Variants in ASIC2 observed in about 807,000 individuals in gnomAD.
The protein encoded by ASIC2 is acid sensing ion channel subunit 2.
In ASIC2, 25 loss-of-function variants were observed where a neutral mutation model predicts 57.3. The observed-to-expected ratio is 0.44, with a 90% confidence interval of 0.32 to 0.61. ASIC2 has a LOEUF of 0.61. ASIC2 is among the 20% of genes least tolerant of loss of function. The pLI is 0.06. For missense variants in ASIC2, 641 were observed against 738.1 expected, an observed-to-expected ratio of 0.87 and a Z score of 1.52; for synonymous variants, 319 against 307.5, an observed-to-expected ratio of 1.04 and a Z score of -0.39.
chr17:33,070,912 A>G (rs549370626), intron 3 of ASIC2, among the ~76,000 whole-genome samples: 3 of 151,422 alleles, frequency 2.0e-5, no homozygotes, highest in African/African-American at 7.3e-5. Context: ...TTTTCTTCCA[A>G]TACTTGACAG....
chr17:33,457,036 T>C (rs1912475055), intron 1 of ASIC2, among the ~76,000 whole-genome samples: 1 of 152,194 alleles, frequency 6.6e-6, no homozygotes, highest in East Asian at 1.9e-4. Context: ...ACAAGCTAAT[T>C]AATTTCTTTA....
intron 1 of ASIC2, among the ~76,000 whole-genome samples, chr17:33,610,054 G>GCACA (rs57533251): frequency 0.039 from 5,605 of 144,794 alleles, 239 homozygotes; most frequent in African/African-American, 0.098. Context: ...GGACAGAGGC[G>GCACA]CACACACACA....
chr17:33,519,110 G>A (rs936015781), intron 1 of ASIC2, among the ~76,000 whole-genome samples: 4 of 152,312 alleles, frequency 2.6e-5, no homozygotes, highest in East Asian at 1.9e-4. Context: ...GTGAGCCACC[G>A]CGCCGGGCCG....
At position 33,464,522 on chromosome 17, in the gene ASIC2, TTCTTTCTTTCTTTCTTTC is replaced by T. The variant is rs1567621099; in HGVS notation, c.556-352473_556-352456del. On this transcript the variant is annotated intron_variant, in intron 1 of 9. Coordinates refer to the ASIC2 transcript ENST00000359872. Reference sequence around the variant, plus strand: ...TTTCTTTCTTTCTTTCTTTCTTTCTTTCTTTCTTTCTTTCTTTCTCTTTCTTTCTTTCTTTCTTTCTTT... The same window carrying T: ...TTTCTTTCTTTCTTTCTTTCTTTCTTTCTTTCTTTCTTTCTTTCTTTCTTT... Among the ~76,000 whole-genome samples, 295 of 40,268 alleles carry T rather than the reference TTCTTTCTTTCTTTCTTTC, an allele frequency of 7.3e-3. 3 individuals carry two copies. The highest frequency in any genetic ancestry group is 0.028 in the South Asian group (27 of 958). 26.4% of individuals were successfully genotyped at this position (40,268 alleles called of 152,430 possible).
chr17:33,456,545 C>T lies in ASIC2; in HGVS notation c.556-344478G>A, dbSNP rs796129751. Among the ~76,000 whole-genome samples, 20 of 152,298 alleles carry T rather than the reference C, an allele frequency of 1.3e-4. 1 individual carries two copies. The highest frequency in any genetic ancestry group is 4.8e-4 in the African/African-American group (20 of 41,560). ...CTGATACATCTTTCTGATGGCATGT[C>T]TTTTCTCCACTGGGTTTTCATTGTG... is the stretch of plus-strand genomic sequence containing the variant. On this transcript the variant is annotated intron_variant, in intron 1 of 9. Transcript: ENST00000359872.
At chr17:33,934,933 C>T (rs1328642949) in intron 1 of ASIC2, among the ~76,000 whole-genome samples, 7 of 152,206 alleles carry the variant, frequency 4.6e-5, no homozygotes, top group African/African-American at 7.2e-5. Flanking sequence ...ACCCCATTCT[C>T]CACTGTGCTG....
chr17:33,951,082 C>T (rs1478553507), intron 1 of ASIC2, among the ~76,000 whole-genome samples: 1 of 152,178 alleles, frequency 6.6e-6, no homozygotes, highest in East Asian at 1.9e-4. Flanking sequence ...ATCTCTCAGG[C>T]CATCCATTTT....
At chr17:33,884,258 C>T (rs1914772135) in intron 1 of ASIC2, among the ~76,000 whole-genome samples, 1 of 152,180 alleles carries the variant, frequency 6.6e-6, no homozygotes, top group African/African-American at 2.4e-5. Flanking sequence ...AACCTGCTCC[C>T]TCTCTGCCTC....
chr17:33,424,585 A>G (rs926098218), intron 1 of ASIC2, among the ~76,000 whole-genome samples: 2 of 152,252 alleles, frequency 1.3e-5, no homozygotes, highest in Non-Finnish European at 2.9e-5. Context: ...TGGAGCTGCA[A>G]TTAACATCTC....
At chr17:33,922,094 G>C (rs995925235) in intron 1 of ASIC2, among the ~76,000 whole-genome samples, 1 of 152,106 alleles carries the variant, frequency 6.6e-6, no homozygotes, top group Non-Finnish European at 1.5e-5. Context: ...AGACCAAGTC[G>C]GGCAGGAATT....
At chr17:33,616,104 G>A (rs1170866305) in intron 1 of ASIC2, among the ~76,000 whole-genome samples, 3 of 152,182 alleles carry the variant, frequency 2.0e-5, no homozygotes, top group East Asian at 1.9e-4. Context: ...TCTCTGTTAC[G>A]ACCAGCTGTC....
chr17:33,483,193 T>C lies in ASIC2; in HGVS notation c.556-371126A>G, dbSNP rs1346935662. Among the ~76,000 whole-genome samples, 3 of 152,320 alleles carry C rather than the reference T, an allele frequency of 2.0e-5. No homozygotes were observed. In the East Asian group the frequency reaches 5.8e-4, roughly 29 times the overall value. ...GTTACTTCCTTCCATCCCTGATTAA[T>C]AAAACCAGCATCACCGGCCCTGGCA... On this transcript the variant is annotated intron_variant, in intron 1 of 9. Coordinates refer to the ASIC2 transcript ENST00000359872.
At chr17:33,242,148 C>T (rs1208013825) in intron 1 of ASIC2, among the ~76,000 whole-genome samples, 1 of 152,016 alleles carries the variant, frequency 6.6e-6, no homozygotes, top group African/African-American at 2.4e-5. Context: ...GAAACCCCGT[C>T]TCTACTAAAA....
In ASIC2 at chr17:33,366,216, A is replaced by T. The variant is rs1002817157; in HGVS notation, c.556-254149T>A. On this transcript the variant is annotated intron_variant, in intron 1 of 9. Coordinates refer to the ASIC2 transcript ENST00000359872. Reference sequence around the variant, plus strand: ...CTTAGAGATGATCTTAGTAACTGTCAATTCACTGACTTTATCTGAATAAAA... The same window carrying T: ...CTTAGAGATGATCTTAGTAACTGTCTATTCACTGACTTTATCTGAATAAAA... Among the ~76,000 whole-genome samples the T allele has an allele frequency of 2.0e-5, 3 of 152,262 alleles. No individual in the cohort carries two copies. The East Asian group carries it at 5.8e-4, about 29-fold the overall frequency.
chr17:33,589,332 T>C (rs954434695), intron 1 of ASIC2, among the ~76,000 whole-genome samples: 1 of 152,228 alleles, frequency 6.6e-6, no homozygotes, highest in African/African-American at 2.4e-5. Context: ...ACTGAAATTA[T>C]TTCTTATTTA....
intron 1 of ASIC2, among the ~76,000 whole-genome samples, chr17:33,310,426 A>G (rs1906362370): frequency 6.6e-6 from 1 of 152,120 alleles, no homozygotes; most frequent in Non-Finnish European, 1.5e-5. Context: ...ATTAACCTCA[A>G]ACTAGAGCAG....
chr17:33,891,554 A>G (rs187400386), intron 1 of ASIC2, among the ~76,000 whole-genome samples: 1 of 152,322 alleles, frequency 6.6e-6, no homozygotes, highest in Admixed American at 6.5e-5. Flanking sequence ...TCAGGCCCAG[A>G]AAAAAACTAA....
intron 1 of ASIC2, among the ~76,000 whole-genome samples, chr17:33,616,706 G>A (rs1319543749): frequency 6.6e-6 from 1 of 152,210 alleles, no homozygotes; most frequent in Non-Finnish European, 1.5e-5. Context: ...CCTGGAAACT[G>A]CATTTCCCAG....
At chr17:33,038,591 T>C (rs954079628) in intron 3 of ASIC2, among the ~76,000 whole-genome samples, 4 of 152,204 alleles carry the variant, frequency 2.6e-5, no homozygotes, top group African/African-American at 9.6e-5. Flanking sequence ...TCCCCCACTC[T>C]TTCTCCACTG....
Sources: gnomAD v4.1 joint callset for allele counts (sites outside exome capture counted in the v4.1 genomes callset) on GRCh38, gnomAD v4.1.1 for gene constraint, MANE v1.5 for transcripts, NCBI Gene and HGNC (gene_info 2026-07-23, HGNC 2026-07-21) for gene names.